Variants in HLA-F observed in about 807,000 individuals in gnomAD.
HLA-F encodes HLA class I histocompatibility antigen, alpha chain F.
HLA-F carries 46 observed loss-of-function variants against 49.5 expected under a neutral mutation model. That is an observed-to-expected ratio of 0.93 (90% CI 0.73 to 1.19). The LOEUF (loss-of-function observed/expected upper bound fraction) is 1.19, where lower values mean the gene tolerates loss of function less well. Ranked by LOEUF, HLA-F falls within the 50% of genes most tolerant of loss-of-function variation. The probability of loss-of-function intolerance (pLI) is 0.00; values close to 1 mark genes in which losing one functional copy is unlikely to be tolerated. For missense variants in HLA-F, 496 were observed against 579.6 expected, an observed-to-expected ratio of 0.86 and a Z score of 1.48; for synonymous variants, 203 against 233.5, an observed-to-expected ratio of 0.87 and a Z score of 1.19.
chr6:29,732,668 G>A (rs374415468), intron 3 of HLA-F, among the ~76,000 whole-genome samples: 1 of 151,834 alleles, frequency 6.6e-6, no homozygotes, highest in African/African-American at 2.4e-5. Context: ...GTCTGGTCTC[G>A]AATTCCTGAC....
At chr6:29,737,391 T>C (rs1050071621) in intron 3 of HLA-F, among the ~76,000 whole-genome samples, 1 of 152,108 alleles carries the variant, frequency 6.6e-6, no homozygotes, top group Non-Finnish European at 1.5e-5. Flanking sequence ...CAGGAATCTA[T>C]GGAATAAATG....
chr6:29,737,815 A>T (rs1447414890), intron 3 of HLA-F: 1 of 152,220 alleles, frequency 6.6e-6, no homozygotes, highest in Non-Finnish European at 1.5e-5. Flanking sequence ...GCTACCTTAC[A>T]TCTGGGTGTG....
chr6:29,736,123 C>G (rs2127600409), intron 3 of HLA-F: 1 of 247,198 alleles, frequency 4.0e-6, no homozygotes, highest in Non-Finnish European at 8.1e-6. Context: ...TCTTCCATCC[C>G]CCAGTTTTCC....
Position 29,724,300 on chromosome 6 carries a change from G to A in HLA-F, c.462G>A (p.Trp154Ter). The stretch of plus-strand genomic sequence containing the variant: ...CCCTGAACGAGGACCTGCGCTCCTG[G>A]ACCGCGGCGGACACCGTGGCTCAGA... Reference protein sequence around the residue: ...YISLNEDLRSWTAADTVAQIT... With the variant: ...YISLNEDLRS Residue 154 changes from tryptophan to a stop codon, truncating the protein, a stop_gained, in exon 3 of 7, where the codon TGG (tryptophan) becomes TGA (stop). Transcript: ENST00000259951. LOFTEE classifies it high-confidence loss of function. 6.2e-7 allele frequency: 1 copy of A among 1,613,260 alleles called. No homozygotes were observed. The highest frequency in any genetic ancestry group is 1.3e-5 in the African/African-American group (1 of 75,064).
intron 1 of HLA-F, 22 bp from the exon 2 acceptor site, chr6:29,723,636 C>T: frequency 6.2e-7 from 1 of 1,605,322 alleles, no homozygotes; most frequent in Non-Finnish European, 8.5e-7. Context: ...TCTGGCGGGT[C>T]TCAGCCCCTC....
downstream of HLA-F, among the ~76,000 whole-genome samples, chr6:29,730,009 C>T (rs776797105): frequency 6.6e-6 from 1 of 152,164 alleles, no homozygotes; most frequent in Non-Finnish European, 1.5e-5. Flanking sequence ...TATGATGCTT[C>T]CTCAAGAAAG....
chr6:29,726,850 C>T, intron 6 of HLA-F, 33 bp from the exon 7 acceptor site: 1 of 1,598,388 alleles, frequency 6.3e-7, no homozygotes, highest in Non-Finnish European at 8.5e-7. Context: ...ACAGTGAACA[C>T]AAGTAGGCTG....
At chr6:29,724,507 A>G in intron 3 of HLA-F, 59 bp downstream of exon 3, 1 of 1,576,378 alleles carries the variant, frequency 6.3e-7, no homozygotes, top group South Asian at 1.1e-5. Context: ...ATGGCCTCGC[A>G]CAAGGTTGGG....
chr6:29,723,609 C>CCG (rs1554225740), intron 1 of HLA-F, 49 bp from the exon 2 acceptor site: 6 of 1,599,526 alleles, frequency 3.8e-6, no homozygotes, highest in Admixed American at 3.5e-5. Flanking sequence ...ACTCAGGGAG[C>CCG]CGCCTCCGGA....
At chr6:29,726,720 C>T (rs1359110864) in intron 6 of HLA-F, 163 bp from the exon 7 acceptor site, 42 of 1,238,796 alleles carry the variant, frequency 3.4e-5, no homozygotes, top group Middle Eastern at 2.6e-4. Flanking sequence ...AGTCAGGAGC[C>T]AGTCGAACAT....
At chr6:29,728,304 C>G, downstream of HLA-F, 1 of 354,398 alleles carries the variant, frequency 2.8e-6, no homozygotes, top group Non-Finnish European at 5.6e-6. Context: ...TCTCCCTTCC[C>G]TGGAGCTCCA....
downstream of HLA-F, among the ~76,000 whole-genome samples, chr6:29,729,536 A>G (rs1394753424): frequency 2.0e-5 from 3 of 152,258 alleles, no homozygotes; most frequent in African/African-American, 4.8e-5. Flanking sequence ...AGTTCAACCT[A>G]TAAATCTTTT....
At chr6:29,726,787 T>C in intron 6 of HLA-F, 96 bp from the exon 7 acceptor site, 1 of 1,409,888 alleles carries the variant, frequency 7.1e-7, no homozygotes, top group Non-Finnish European at 9.9e-7. Flanking sequence ...CACATCAATG[T>C]CACAAACTTC....
intron 6 of HLA-F, 74 bp downstream of exon 6, chr6:29,726,117 C>A: frequency 7.2e-7 from 1 of 1,391,480 alleles, no homozygotes; most frequent in Non-Finnish European, 1.0e-6. Context: ...GCTCACCCAC[C>A]CCACAGTTCC....
downstream of HLA-F, among the ~76,000 whole-genome samples, chr6:29,731,671 G>A (rs2735055): frequency 0.56 from 84,966 of 151,742 alleles, 24,008 homozygotes; most frequent in East Asian, 0.72. Context: ...AAACACCCTC[G>A]CAGGCACACC....
At chr6:29,736,207 A>C (rs1417063171) in intron 3 of HLA-F, 1 of 343,338 alleles carries the variant, frequency 2.9e-6, no homozygotes, top group African/African-American at 2.2e-5. Flanking sequence ...TCATTCATGC[A>C]CTACTGGGGC....
chr6:29,727,875 C>G (rs1776254640), downstream of HLA-F: 1 of 487,196 alleles, frequency 2.1e-6, no homozygotes. Context: ...CAGGCCAGGC[C>G]CCTCCAGACC....
At chr6:29,727,378 A>C, downstream of HLA-F, 1 of 486,918 alleles carries the variant, frequency 2.1e-6, no homozygotes, top group Non-Finnish European at 3.6e-6. Context: ...TTTTCTTAAA[A>C]TGTCCACTCG....
At chr6:29,725,846 T>C in intron 5 of HLA-F, 165 bp from the exon 6 acceptor site, 1 of 779,858 alleles carries the variant, frequency 1.3e-6, no homozygotes, top group Non-Finnish European at 2.2e-6. Flanking sequence ...GGAGGGCAGT[T>C]GGTCCAGGAC....
Sources: gnomAD v4.1 joint callset for allele counts (sites outside exome capture counted in the v4.1 genomes callset) on GRCh38, gnomAD v4.1.1 for gene constraint, MANE v1.5 for transcripts, NCBI Gene and HGNC (gene_info 2026-07-23, HGNC 2026-07-21) for gene names.